The following AFAP1 variants were observed in gnomAD, a reference collection of about 807,000 sequenced individuals.
AFAP1 encodes the protein actin filament-associated protein 1.
Under a neutral mutation model 93.9 loss-of-function variants are expected in AFAP1, and 75 were observed. The observed-to-expected ratio is 0.80, with a 90% CI of 0.66 to 0.97. The LOEUF (loss-of-function observed/expected upper bound fraction) is 0.97. Ranked by LOEUF, AFAP1 falls within the 50% of genes least tolerant of loss-of-function variation. The pLI, the probability that AFAP1 is intolerant of heterozygous loss-of-function variation, is 0.00. For synonymous variants in AFAP1, 517 were observed against 430.7 expected (o/e 1.20, Z -2.48); for missense variants, 1,201 against 1,050.8 (o/e 1.14, Z -1.98).
intron 1 of AFAP1, among the ~76,000 whole-genome samples, chr4:7,889,689 CG>C (rs1231343664): frequency 1.1e-5 from 1 of 88,982 alleles, no homozygotes; most frequent in African/African-American, 3.5e-5. Flanking sequence ...CTCAATGAAG[CG>C]TTTTTTTTTT....
At chr4:7,852,666 G>A (rs1029586566) in intron 4 of AFAP1, among the ~76,000 whole-genome samples, 2 of 152,068 alleles carry the variant, frequency 1.3e-5, no homozygotes, top group Admixed American at 6.6e-5. Flanking sequence ...TTTGCTGGGG[G>A]CACCGGGAAT....
intron 4 of AFAP1, among the ~76,000 whole-genome samples, chr4:7,854,826 T>C (rs1226207013): frequency 3.9e-5 from 6 of 152,304 alleles, no homozygotes; most frequent in East Asian, 3.9e-4. Flanking sequence ...AAAGGAGACA[T>C]AGAGCCACCA....
chr4:7,898,418 A>C (rs1718911073), intron 1 of AFAP1, among the ~76,000 whole-genome samples: 2 of 150,398 alleles, frequency 1.3e-5, no homozygotes, highest in Admixed American at 1.3e-4. Flanking sequence ...CAGAAGGGGA[A>C]AAAAAAAGCC....
At chr4:7,931,096 G>A (rs1422021057) in intron 1 of AFAP1, among the ~76,000 whole-genome samples, 1 of 152,102 alleles carries the variant, frequency 6.6e-6, no homozygotes, top group Non-Finnish European at 1.5e-5. Context: ...GAAAAACGTG[G>A]GCAACAGGAG....
Position 7,843,271 on chromosome 4 carries a change from C to T in AFAP1, c.414G>A (p.Arg138=), listed in dbSNP as rs767183481. The change falls in exon 5 of 18, where the codon CGG becomes CGA. Residue 138 remains arginine, a synonymous_variant. Transcript: ENST00000420658. ...AGGCCTCCTCGGAGGGCCACTGGTG[C>T]CGGGTTTTCTTCCCCTTCCCATCCT... ...EEEDGKGKKT[R]HQWPSEEASM... The T allele has an allele frequency of 3.7e-6, 6 of 1,614,156 alleles. No individual in the cohort carries two copies. The highest frequency in any genetic ancestry group is 1.1e-5 in the South Asian group (1 of 91,078).
chr4:7,790,693 T>C (rs74706829), intron 11 of AFAP1, among the ~76,000 whole-genome samples: 3,047 of 149,608 alleles, frequency 0.02, 118 homozygotes, highest in African/African-American at 0.074. Context: ...CTTTACTGCA[T>C]AGTACTTAAA....
At chr4:7,804,653 G>C (rs994634005) in intron 9 of AFAP1, among the ~76,000 whole-genome samples, 3 of 152,178 alleles carry the variant, frequency 2.0e-5, no homozygotes, top group Non-Finnish European at 4.4e-5. Context: ...GGCAGGCAGA[G>C]CCTTTTAGAA....
chr4:7,762,069 G>C lies in AFAP1; in HGVS notation c.*1696C>G, dbSNP rs1384767908. 1 of 152,244 alleles carries C rather than the reference G, an allele frequency of 6.6e-6. No individual in the cohort carries two copies. Among genetic ancestry groups the C allele is most frequent in the Non-Finnish European group, 1.5e-5 (1 of 68,058 alleles). 9.4% of individuals were successfully genotyped at this position (152,244 alleles called of 1,614,324 possible). On this transcript the variant is annotated 3_prime_UTR_variant, in exon 18 of 18. Transcript: ENST00000420658. ...TTTGCAATCAATTCAAGTTCAGGTG[G>C]ACTCAAGCAGCTTCCAATTCGTGTT...
chr4:7,776,369 G>A (rs974817710), intron 14 of AFAP1: 17 of 151,680 alleles, frequency 1.1e-4, no homozygotes, highest in African/African-American at 3.9e-4. Flanking sequence ...AAACGAGAAG[G>A]AATCCTGTGT....
chr4:7,914,631 G>A (rs1457275550), intron 1 of AFAP1, among the ~76,000 whole-genome samples: 2 of 151,824 alleles, frequency 1.3e-5, no homozygotes, highest in Non-Finnish European at 2.9e-5. Flanking sequence ...CTCCGACACT[G>A]ATTTCCTTTT....
chr4:7,864,164 C>CACCTT (rs1314891559), intron 3 of AFAP1, among the ~76,000 whole-genome samples: 34 of 151,994 alleles, frequency 2.2e-4, no homozygotes, highest in East Asian at 5.8e-4. Flanking sequence ...CTCATCACAA[C>CACCTT]CCACAGGTCC....
At chr4:7,811,852 G>A (rs115121480) in intron 8 of AFAP1, among the ~76,000 whole-genome samples, 3,359 of 152,164 alleles carry the variant, frequency 0.022, 109 homozygotes, top group African/African-American at 0.066. Flanking sequence ...GCTGACTAAC[G>A]CAACACAGTC....
chr4:7,842,301 CAAAAAAAAAA>C (rs57050150), intron 5 of AFAP1, among the ~76,000 whole-genome samples: 56 of 94,864 alleles, frequency 5.9e-4, no homozygotes, highest in South Asian at 1.8e-3. Flanking sequence ...CCTGGATTTA[CAAAAAAAAAA>C]AAAAAAAAAA....
intron 1 of AFAP1, among the ~76,000 whole-genome samples, chr4:7,907,646 G>T (rs892403025): frequency 6.6e-6 from 1 of 152,080 alleles, no homozygotes; most frequent in Non-Finnish European, 1.5e-5. Context: ...CTGACGTGAC[G>T]CCCAATGAAA....
intron 1 of AFAP1, among the ~76,000 whole-genome samples, chr4:7,875,321 G>A (rs528225725): frequency 6.6e-6 from 1 of 152,040 alleles, no homozygotes; most frequent in South Asian, 2.1e-4. Flanking sequence ...GCTTAAGTAG[G>A]TGGATGTGGC....
chr4:7,917,300 TG>T (rs763584232), intron 1 of AFAP1, among the ~76,000 whole-genome samples: 1 of 152,114 alleles, frequency 6.6e-6, no homozygotes, highest in Non-Finnish European at 1.5e-5. Context: ...GACTGCTGAG[TG>T]GGGGTAGGGG....
chr4:7,778,936 C>A, intron 13 of AFAP1, 60 bp from the exon 14 acceptor site: 1 of 1,125,880 alleles, frequency 8.9e-7, no homozygotes, highest in South Asian at 1.7e-5. Flanking sequence ...AAATCTTGGT[C>A]TTTTTTTTTT....
chr4:7,840,276 G>GTGCA (rs1218642016), intron 5 of AFAP1, among the ~76,000 whole-genome samples: 1 of 125,514 alleles, frequency 8.0e-6, no homozygotes, highest in East Asian at 2.2e-4. Context: ...GTGTGTGTGT[G>GTGCA]TGTGTGTGTG....
intron 6 of AFAP1, among the ~76,000 whole-genome samples, chr4:7,827,725 G>A (rs1212271943): frequency 3.3e-5 from 5 of 151,908 alleles, no homozygotes; most frequent in African/African-American, 1.2e-4. Context: ...CCACCGCACT[G>A]AGACACATCG....
Sources: gnomAD v4.1 joint callset for allele counts (sites outside exome capture counted in the v4.1 genomes callset) on GRCh38, gnomAD v4.1.1 for gene constraint, MANE v1.5 for transcripts, NCBI Gene and HGNC (gene_info 2026-07-23, HGNC 2026-07-21) for gene names.